The following SIDT1 variants were observed in gnomAD, a reference collection of about 807,000 sequenced individuals.
SIDT1 encodes SID1 transmembrane family, member 1.
A neutral mutation model predicts 107.5 loss-of-function variants in SIDT1; 101 were observed. The observed-to-expected ratio is 0.94, with a 90% CI of 0.80 to 1.11. The LOEUF (loss-of-function observed/expected upper bound fraction) is 1.11. Ranked by LOEUF, SIDT1 falls within the 50% of genes least tolerant of loss-of-function variation. The probability of loss-of-function intolerance (pLI) is 0.00; values close to 1 mark genes in which losing one functional copy is unlikely to be tolerated. For synonymous variants in SIDT1, 395 were observed against 398.2 expected (o/e 0.99, Z 0.10); for missense variants, 1,076 against 1,058.2 (o/e 1.02, Z -0.23).
intron 4 of SIDT1, among the ~76,000 whole-genome samples, chr3:113,578,528 A>G (rs1943095560): frequency 6.6e-6 from 1 of 151,788 alleles, no homozygotes; most frequent in African/African-American, 2.4e-5. Context: ...TGTATAGTCT[A>G]ACAGTCCTGT....
intron 1 of SIDT1, among the ~76,000 whole-genome samples, chr3:113,537,313 G>A (rs1350387689): frequency 1.3e-5 from 2 of 152,132 alleles, no homozygotes; most frequent in African/African-American, 4.8e-5. Flanking sequence ...ACCAGTAGTT[G>A]TATACCTAGA....
chr3:113,602,161 G>C (rs966304763), intron 11 of SIDT1, among the ~76,000 whole-genome samples: 4 of 152,204 alleles, frequency 2.6e-5, no homozygotes, highest in Admixed American at 6.5e-5. Flanking sequence ...AAACCCCAGT[G>C]TTCCTTAAGT....
rs563348514 is a variant in SIDT1 at position 113,567,754 on chromosome 3, T to C, written c.515+44T>C. ...GTTTACCTGTCTGTGTTTCCTGTGC[T>C]TGTGGATGCTCAATTCATCTTCCAT... On this transcript the variant is annotated intron_variant, in intron 3 of 24. Transcript: ENST00000264852. The C allele has an allele frequency of 4.4e-6, 7 of 1,573,854 alleles. No individual in the cohort carries two copies. The African/African-American group carries it at 9.4e-5, about 21-fold the overall frequency.
At chr3:113,560,857 G>T (rs1257217052) in intron 1 of SIDT1, among the ~76,000 whole-genome samples, 1 of 152,106 alleles carries the variant, frequency 6.6e-6, no homozygotes, top group African/African-American at 2.4e-5. Flanking sequence ...CTACTGACAT[G>T]CTGAAAGATT....
chr3:113,612,465 A>G, intron 19 of SIDT1: 1 of 534,232 alleles, frequency 1.9e-6, no homozygotes, highest in Non-Finnish European at 3.6e-6. Flanking sequence ...CCCTGGTTGC[A>G]AACACTTTAC....
chr3:113,553,356 T>C (rs1940484268), intron 1 of SIDT1, among the ~76,000 whole-genome samples: 1 of 152,050 alleles, frequency 6.6e-6, no homozygotes, highest in South Asian at 2.1e-4. Context: ...ATCACAAAAA[T>C]AAAAGGCTGG....
chr3:113,626,463 G>T (rs1946857647), intron 24 of SIDT1, among the ~76,000 whole-genome samples: 1 of 152,054 alleles, frequency 6.6e-6, no homozygotes, highest in South Asian at 2.1e-4. Flanking sequence ...TCCCTAAGTT[G>T]CACAGCACGT....
chr3:113,593,383 C>T (rs974194080), intron 10 of SIDT1, among the ~76,000 whole-genome samples: 3 of 152,124 alleles, frequency 2.0e-5, no homozygotes, highest in African/African-American at 2.4e-5. Context: ...CTCATAGGAC[C>T]GCAAACCCTA....
intron 11 of SIDT1, chr3:113,602,789 G>A: frequency 2.2e-6 from 1 of 459,290 alleles, no homozygotes; most frequent in South Asian, 3.7e-5. Flanking sequence ...GTTCAGTCCT[G>A]AAGATAGCCA....
intron 1 of SIDT1, among the ~76,000 whole-genome samples, chr3:113,544,194 T>TGTTC (rs1331788576): frequency 5.9e-5 from 9 of 151,420 alleles, no homozygotes; most frequent in Non-Finnish European, 1.0e-4. Context: ...TTTGTTTGTT[T>TGTTC]GTTTGTTTGT....
chr3:113,585,115 CT>C, intron 8 of SIDT1, 61 bp from the exon 9 acceptor site: 3 of 1,193,240 alleles, frequency 2.5e-6, no homozygotes, highest in Non-Finnish European at 3.7e-6. Context: ...GCCGTCCTGT[CT>C]CAGATGGAGT....
intron 24 of SIDT1, among the ~76,000 whole-genome samples, chr3:113,626,520 G>T (rs1946861337): frequency 6.6e-6 from 1 of 151,984 alleles, no homozygotes; most frequent in Non-Finnish European, 1.5e-5. Flanking sequence ...ATTCCCCCAG[G>T]AACCACTTTT....
rs186054808 is a variant in SIDT1 at position 113,618,890 on chromosome 3, T to C, written c.2044-790T>C. Among the ~76,000 whole-genome samples the C allele has an allele frequency of 1.1e-4, 17 of 152,316 alleles. No homozygotes were observed. The East Asian group carries it at 1.9e-3, about 17-fold the overall frequency. ...CCCAGGCTGGAGTGCAGTGGCAAAATCTCGGCTCACTGCAACCTCTGCCTC... is the reference window on the plus strand; with the variant it reads ...CCCAGGCTGGAGTGCAGTGGCAAAACCTCGGCTCACTGCAACCTCTGCCTC... On this transcript the variant is annotated intron_variant, in intron 20 of 24. Transcript: ENST00000264852.
At chr3:113,611,190 C>G in intron 18 of SIDT1, 46 bp downstream of exon 18, 1 of 1,595,872 alleles carries the variant, frequency 6.3e-7, no homozygotes, top group Non-Finnish European at 8.6e-7. Flanking sequence ...AAGTGCCCCC[C>G]TAGGTCCAAT....
intron 9 of SIDT1, 32 bp downstream of exon 9, chr3:113,585,302 C>T (rs750306846): frequency 1.2e-5 from 17 of 1,474,808 alleles, no homozygotes; most frequent in Non-Finnish European, 1.6e-5. Context: ...ATGTTAATTC[C>T]CTGTGCCTGT....
intron 10 of SIDT1, among the ~76,000 whole-genome samples, chr3:113,593,410 C>T (rs969939156): frequency 1.5e-4 from 23 of 152,260 alleles, no homozygotes; most frequent in African/African-American, 4.3e-4. Context: ...ACTGTGCATG[C>T]GAGGGATCTG....
At chr3:113,604,776 A>G in intron 13 of SIDT1, 134 bp from the exon 14 acceptor site, 2 of 922,958 alleles carry the variant, frequency 2.2e-6, no homozygotes, top group South Asian at 1.5e-5. Flanking sequence ...AACAAGAACC[A>G]CATAATCAGC....
chr3:113,605,165 C>G (rs530295657), intron 14 of SIDT1, among the ~76,000 whole-genome samples, 189 bp downstream of exon 14: 1 of 132,840 alleles, frequency 7.5e-6, no homozygotes, highest in East Asian at 2.3e-4. Flanking sequence ...CTCTGTCACC[C>G]TGGCTGGAGT....
chr3:113,617,105 G>C (rs1282373328), intron 20 of SIDT1, among the ~76,000 whole-genome samples: 1 of 152,208 alleles, frequency 6.6e-6, no homozygotes, highest in Non-Finnish European at 1.5e-5. Context: ...CCTTGTGGAA[G>C]TGAAAGGGCA....
Sources: gnomAD v4.1 joint callset for allele counts (sites outside exome capture counted in the v4.1 genomes callset) on GRCh38, gnomAD v4.1.1 for gene constraint, MANE v1.5 for transcripts, NCBI Gene and HGNC (gene_info 2026-07-23, HGNC 2026-07-21) for gene names.